TMEM160: variants seen among roughly 807,000 people sequenced by gnomAD.
TMEM160 encodes transmembrane protein 160.
A neutral mutation model predicts 13.9 loss-of-function variants in TMEM160; 10 were observed. That is an observed-to-expected ratio of 0.72 (90% CI 0.45 to 1.22). The LOEUF is 1.22. Among genes scored for constraint, TMEM160 ranks in the 50% most tolerant of loss-of-function variants. The pLI, the probability that TMEM160 is intolerant of heterozygous loss-of-function variation, is 0.00. For missense variants in TMEM160, 287 were observed against 283.2 expected, an observed-to-expected ratio of 1.01 and a Z score of -0.10; for synonymous variants, 159 against 134.8, an observed-to-expected ratio of 1.18 and a Z score of -1.25.
rs1385186382 is a variant in TMEM160 at position 47,046,637 on chromosome 19, AC to A, written c.256del (p.Val86SerfsTer45). The A allele has an allele frequency of 6.2e-7, 1 of 1,607,122 alleles. No individual in the cohort carries two copies. Among genetic ancestry groups the A allele is most frequent in the South Asian group, 1.1e-5 (1 of 90,846 alleles). On this transcript the variant is annotated frameshift_variant, in exon 2 of 3. Transcript: ENST00000253047. LOFTEE classifies it high-confidence loss of function. ...RNGLLASGIG[V>X]ISFMQSDMGR... ...CATGTCACTCTGCATGAAGGAGATG[AC>A]CCCGATGCCCGATGCCAGGAGGCCA... is the stretch of plus-strand genomic sequence containing the variant.
At chr19:47,047,927 C>T in intron 1 of TMEM160, 1 of 985,352 alleles carries the variant, frequency 1.0e-6, no homozygotes, top group Non-Finnish European at 1.2e-6. Context: ...GCCCCGCCCT[C>T]TGCAGCCTAG....
chr19:47,048,266 C>T (rs911464394), intron 1 of TMEM160, 141 bp downstream of exon 1: 47 of 757,970 alleles, frequency 6.2e-5, no homozygotes, highest in Admixed American at 1.6e-4. Flanking sequence ...TTGCAGTCTG[C>T]GCTTCCGTGC....
Position 47,045,936 on chromosome 19 carries a change from C to T in TMEM160, c.*51G>A, listed in dbSNP as rs1487609988. On this transcript the variant is annotated 3_prime_UTR_variant, in exon 3 of 3. Transcript: ENST00000253047. ...GAGGAGGGGAGGTCAGGTTTAATGT[C>T]CCAGTCCTCGGGCGCTGTCCAGCGC... 3 of 1,479,098 alleles carry T rather than the reference C, an allele frequency of 2.0e-6. No individual in the cohort carries two copies. The highest frequency in any genetic ancestry group is 2.7e-6 in the Non-Finnish European group (3 of 1,122,848). The allele number at this position is 1,479,098 out of a possible 1,614,324, so 91.6% of individuals were successfully genotyped here.
intron 2 of TMEM160, 126 bp downstream of exon 2, chr19:47,046,467 A>G: frequency 1.0e-6 from 1 of 957,618 alleles, no homozygotes; most frequent in South Asian, 1.5e-5. Context: ...TGGTGGGGGA[A>G]GAATGGGGGT....
At chr19:47,048,354 G>A in intron 1 of TMEM160, 53 bp downstream of exon 1, 6 of 1,373,866 alleles carry the variant, frequency 4.4e-6, no homozygotes, top group Non-Finnish European at 5.8e-6. Flanking sequence ...AAGGTCCCAC[G>A]CGAGCCCGGG....
At chr19:47,047,636 A>G (rs1194085655) in intron 1 of TMEM160, 3 of 958,234 alleles carry the variant, frequency 3.1e-6, no homozygotes, top group Non-Finnish European at 3.7e-6. Context: ...GGATTCTCTG[A>G]GCCCAAGAGT....
chr19:47,047,857 A>C (rs2122580464), intron 1 of TMEM160: 1 of 981,070 alleles, frequency 1.0e-6, no homozygotes, highest in South Asian at 4.7e-5. Context: ...AAAAAAATAA[A>C]ATTAAAAAAA....
At position 47,046,155 on chromosome 19, in the gene TMEM160, C is replaced by T. The variant is rs2057077940; in HGVS notation, c.399G>A (p.Gly133=). The T allele has an allele frequency of 6.8e-7, 1 of 1,475,024 alleles. No homozygotes were observed. The highest frequency in any genetic ancestry group is 8.9e-7 in the Non-Finnish European group (1 of 1,123,808). 91.4% of individuals were successfully genotyped at this position (1,475,024 alleles called of 1,614,324 possible). The change falls in exon 3 of 3, where the codon GGG becomes GGA. Residue 133 remains glycine, a synonymous_variant. Coordinates refer to ENST00000253047, the MANE Select transcript of TMEM160 (RefSeq NM_017854.2). ...ALRGPMQLTL[G]GAAVGAGAVL... is the part of the protein sequence containing the mutation. ...CGGCGCCCGCGCCCACGGCCGCGCCCCCCAGCGTCAGCTGCATGGGTCCTC... is the reference window on the plus strand; with the variant it reads ...CGGCGCCCGCGCCCACGGCCGCGCCTCCCAGCGTCAGCTGCATGGGTCCTC...
At chr19:47,047,050 A>G (rs566667849) in intron 1 of TMEM160, among the ~76,000 whole-genome samples, 15 of 152,250 alleles carry the variant, frequency 9.9e-5, no homozygotes, top group African/African-American at 3.1e-4. Flanking sequence ...TCTCTACTAA[A>G]AATGTTAAAA....
In TMEM160 at chr19:47,048,507, G is replaced by T; in HGVS notation, c.108C>A (p.Ser36=). 6.9e-7 allele frequency: 1 copy of T among 1,451,080 alleles called. No homozygotes were observed. The highest frequency in any genetic ancestry group is 2.8e-5 in the Admixed American group (1 of 35,412). The allele number at this position is 1,451,080 out of a possible 1,614,324, so 89.9% of individuals were successfully genotyped here. Reference sequence around the variant, plus strand: ...CGCGGGGACCGTGGCCGGGGGCGAAGGACCCCCGGGCGCCCCCGCTCCGGG... The same window carrying T: ...CGCGGGGACCGTGGCCGGGGGCGAATGACCCCCGGGCGCCCCCGCTCCGGG... ...QRPRSGGARG[S]FAPGHGPRAG... Residue 36 remains serine, a synonymous_variant, in exon 1 of 3, where the codon TCC becomes TCA. Transcript: ENST00000253047.
chr19:47,048,011 C>G (rs1477660427), intron 1 of TMEM160, among the ~76,000 whole-genome samples: 1 of 152,030 alleles, frequency 6.6e-6, no homozygotes, highest in Non-Finnish European at 1.5e-5. Context: ...GAACTTCCCC[C>G]TCTTCTGCGG....
chr19:47,048,502 G>A lies in TMEM160; in HGVS notation c.113C>T (p.Ala38Val), dbSNP rs2057093016. The A allele has an allele frequency of 3.5e-6, 5 of 1,443,446 alleles. No individual in the cohort carries two copies. The highest frequency in any genetic ancestry group is 1.5e-5 in the African/African-American group (1 of 66,626). 89.4% of individuals were successfully genotyped at this position (1,443,446 alleles called of 1,614,324 possible). A position where few individuals can be genotyped will look rare whatever the true frequency, so the allele number is the denominator to read the frequency against. Reference sequence around the variant, plus strand: ...CCCGGCGCGGGGACCGTGGCCGGGGGCGAAGGACCCCCGGGCGCCCCCGCT... The same window carrying A: ...CCCGGCGCGGGGACCGTGGCCGGGGACGAAGGACCCCCGGGCGCCCCCGCT... ...PRSGGARGSFAPGHGPRAGAS... is the reference protein window; with the variant it reads ...PRSGGARGSFVPGHGPRAGAS... The change falls in exon 1 of 3, where the codon GCC becomes GTC. Residue 38 changes from alanine to valine, a missense_variant. Transcript: ENST00000253047.
chr19:47,046,336 G>C, intron 2 of TMEM160, 84 bp from the exon 3 acceptor site: 1 of 1,452,018 alleles, frequency 6.9e-7, no homozygotes, highest in Non-Finnish European at 9.1e-7. Flanking sequence ...CAGGAACAGA[G>C]GCAGGGCCGT....
chr19:47,046,513 G>C (rs2057080804), intron 2 of TMEM160, 80 bp downstream of exon 2: 1 of 1,226,734 alleles, frequency 8.2e-7, no homozygotes, highest in Non-Finnish European at 1.2e-6. Flanking sequence ...TGGGGTAGGA[G>C]AGTCTACTCT....
chr19:47,046,528 AG>A, intron 2 of TMEM160, 64 bp downstream of exon 2: 2 of 1,342,468 alleles, frequency 1.5e-6, no homozygotes, highest in Non-Finnish European at 2.1e-6. Flanking sequence ...TACTCTCACC[AG>A]GGCAGGTGAT....
At chr19:47,047,954 A>ACC (rs2057089682) in intron 1 of TMEM160, 1 of 983,834 alleles carries the variant, frequency 1.0e-6, no homozygotes, top group Non-Finnish European at 1.2e-6. Flanking sequence ...TCCCCCTCCA[A>ACC]TCAGCAGAGA....
At position 47,045,970 on chromosome 19, in the gene TMEM160, C is replaced by G; in HGVS notation, c.*17G>C. The G allele has an allele frequency of 1.3e-6, 2 of 1,532,282 alleles. No individual in the cohort carries two copies. Among genetic ancestry groups the G allele is most frequent in the Non-Finnish European group, 1.7e-6 (2 of 1,146,540 alleles). 94.9% of individuals were successfully genotyped at this position (1,532,282 alleles called of 1,614,324 possible). On this transcript the variant is annotated 3_prime_UTR_variant, in exon 3 of 3. Transcript: ENST00000253047. The stretch of plus-strand genomic sequence containing the variant: ...CGGGCGCTGTCCAGCGCCTGCCAGG[C>G]CCCACGGCCGTGTCGCTCACTCGGG...
At position 47,048,426 on chromosome 19, in the gene TMEM160, G is replaced by C. The variant is rs2057092599; in HGVS notation, c.189C>G (p.Leu63=). Residue 63 remains leucine (L), a synonymous_variant, in exon 1 of 3, where the codon CTC becomes CTG. Coordinates refer to ENST00000253047, the MANE Select transcript of TMEM160 (RefSeq NM_017854.2). ...SELDRADAWL[L]RKAHETAFLS... ...ACCGACCTGTCTCGTGCGCTTTTCGGAGGAGCCAGGCGTCCGCACGATCCA... is the reference window on the plus strand; with the variant it reads ...ACCGACCTGTCTCGTGCGCTTTTCGCAGGAGCCAGGCGTCCGCACGATCCA... The C allele has an allele frequency of 4.1e-6, 6 of 1,467,660 alleles. No individual in the cohort carries two copies. Among genetic ancestry groups the C allele is most frequent in the Non-Finnish European group, 5.4e-6 (6 of 1,119,796 alleles). 90.9% of individuals were successfully genotyped at this position (1,467,660 alleles called of 1,614,324 possible). A position where few individuals can be genotyped will look rare whatever the true frequency, so the allele number is the denominator to read the frequency against.
chr19:47,047,947 C>T (rs2057089625), intron 1 of TMEM160: 2 of 985,116 alleles, frequency 2.0e-6, no homozygotes, highest in Non-Finnish European at 2.4e-6. Context: ...GATCACCTCC[C>T]CCTCCAATCA....
Sources: allele counts gnomAD v4.1 joint callset (sites outside exome capture counted in the v4.1 genomes callset), GRCh38; gene constraint gnomAD v4.1.1; transcripts MANE v1.5; gene names NCBI Gene and HGNC (gene_info 2026-07-23, HGNC 2026-07-21).